The following SEMA5A variants were observed in gnomAD, a reference collection of about 807,000 sequenced individuals.
The protein encoded by SEMA5A is semaphorin-5A.
A neutral mutation model predicts 135.5 loss-of-function variants in SEMA5A; 55 were observed. The ratio of observed to expected loss-of-function variants is 0.41; its 90% CI spans 0.33 to 0.51. The LOEUF (loss-of-function observed/expected upper bound fraction) is 0.51, where lower values mean the gene tolerates loss of function less well. Ranked by LOEUF, SEMA5A falls within the 20% of genes least tolerant of loss-of-function variation. SEMA5A has a pLI of 0.37. For synonymous variants in SEMA5A, 580 were observed against 546.5 expected, an observed-to-expected ratio of 1.06 and a Z score of -0.85; for missense variants, 1,290 against 1,419.9, an observed-to-expected ratio of 0.91 and a Z score of 1.47.
intron 11 of SEMA5A, among the ~76,000 whole-genome samples, chr5:9,168,548 C>T (rs546519311): frequency 7.2e-5 from 11 of 152,300 alleles, no homozygotes; most frequent in South Asian, 2.1e-4. Flanking sequence ...GAGGATGCCA[C>T]GGCCAAGGGC....
intron 11 of SEMA5A, among the ~76,000 whole-genome samples, chr5:9,163,579 T>C (rs577280857): frequency 2.0e-5 from 3 of 152,328 alleles, no homozygotes; most frequent in South Asian, 2.1e-4. Context: ...ATATGCCTTA[T>C]ACTAAGATAG....
intron 1 of SEMA5A, among the ~76,000 whole-genome samples, chr5:9,537,354 A>C (rs3798085): frequency 0.042 from 6,430 of 152,300 alleles, 204 homozygotes; most frequent in East Asian, 0.17. Flanking sequence ...TGAATGGCTA[A>C]TTAGTTATCC....
chr5:9,474,136 C>G (rs997332037), intron 1 of SEMA5A, among the ~76,000 whole-genome samples: 1 of 152,074 alleles, frequency 6.6e-6, no homozygotes, highest in African/African-American at 2.4e-5. Flanking sequence ...AGGATGCTGA[C>G]AGAAAGAAGT....
chr5:9,458,153 C>A (rs169164), intron 1 of SEMA5A, among the ~76,000 whole-genome samples: 2 of 151,716 alleles, frequency 1.3e-5, no homozygotes, highest in South Asian at 4.2e-4. Context: ...GTGATCCGCC[C>A]GCCTCGGCCT....
At chr5:9,284,573 T>G (rs1750700168) in intron 5 of SEMA5A, among the ~76,000 whole-genome samples, 1 of 151,926 alleles carries the variant, frequency 6.6e-6, no homozygotes, top group Admixed American at 6.5e-5. Flanking sequence ...TCAACATATT[T>G]CATCAATTTT....
At chr5:9,237,975 C>A in intron 5 of SEMA5A, 85 bp from the exon 6 acceptor site, 3 of 1,247,190 alleles carry the variant, frequency 2.4e-6, no homozygotes, top group Non-Finnish European at 3.5e-6. Context: ...GCACTGGTAA[C>A]CAGATTAGGA....
intron 1 of SEMA5A, among the ~76,000 whole-genome samples, chr5:9,526,910 A>G (rs1737154055): frequency 6.6e-6 from 1 of 152,214 alleles, no homozygotes; most frequent in African/African-American, 2.4e-5. Flanking sequence ...TTAACTTCTC[A>G]AGCTGTTCCC....
intron 6 of SEMA5A, among the ~76,000 whole-genome samples, chr5:9,235,575 C>G (rs200951331): frequency 6.6e-6 from 1 of 151,922 alleles, no homozygotes; most frequent in Non-Finnish European, 1.5e-5. Context: ...TAAGATCGGA[C>G]GAGGAAATAG....
chr5:9,226,103 C>G (rs1184479023), intron 7 of SEMA5A, among the ~76,000 whole-genome samples: 1 of 152,126 alleles, frequency 6.6e-6, no homozygotes, highest in Admixed American at 6.5e-5. Context: ...AGTTTCACAC[C>G]CCTTATCATC....
At chr5:9,123,190 T>C (rs1450770449) in intron 13 of SEMA5A, among the ~76,000 whole-genome samples, 1 of 119,694 alleles carries the variant, frequency 8.4e-6, no homozygotes, top group Non-Finnish European at 1.6e-5. Flanking sequence ...ACCCGGGAGG[T>C]GGAGCTTGCA....
chr5:9,076,868 TTGTGTGTGTGTGTGTGTGTGTG>T (rs70943938), intron 16 of SEMA5A, among the ~76,000 whole-genome samples: 2 of 144,006 alleles, frequency 1.4e-5, no homozygotes, highest in African/African-American at 2.5e-5. Flanking sequence ...ATTACGATCT[TTGTGTGTGTGTGTGTGTGTGTG>T]TGTGTGTGTG....
At chr5:9,374,909 G>A (rs1010950682) in intron 3 of SEMA5A, among the ~76,000 whole-genome samples, 6 of 151,692 alleles carry the variant, frequency 4.0e-5, no homozygotes, top group Non-Finnish European at 7.4e-5. Flanking sequence ...GTTCCCAGTT[G>A]CTGTGCCCTC....
At chr5:9,392,004 T>C (rs1416452089) in intron 2 of SEMA5A, among the ~76,000 whole-genome samples, 1 of 152,138 alleles carries the variant, frequency 6.6e-6, no homozygotes, top group African/African-American at 2.4e-5. Context: ...CGCGTGTGCA[T>C]GGAACTGCTT....
At chr5:9,475,725 C>T (rs912378004) in intron 1 of SEMA5A, among the ~76,000 whole-genome samples, 1 of 152,092 alleles carries the variant, frequency 6.6e-6, no homozygotes, top group Non-Finnish European at 1.5e-5. Flanking sequence ...GGAAGCTACT[C>T]TATAGCAGGA....
intron 11 of SEMA5A, among the ~76,000 whole-genome samples, chr5:9,157,222 C>T (rs1400072203): frequency 6.6e-6 from 1 of 152,220 alleles, no homozygotes; most frequent in Non-Finnish European, 1.5e-5. Flanking sequence ...CCTGCCTGTG[C>T]CCTGCCCTTG....
intron 1 of SEMA5A, among the ~76,000 whole-genome samples, chr5:9,499,101 C>T (rs931265123): frequency 1.3e-5 from 2 of 152,156 alleles, no homozygotes. Context: ...GAGGCTTGTG[C>T]TTTTGTGGTG....
chr5:9,154,059 AAAAAT>A (rs1413656891), intron 12 of SEMA5A, among the ~76,000 whole-genome samples: 80 of 49,010 alleles, frequency 1.6e-3, no homozygotes, highest in African/African-American at 3.6e-3. Flanking sequence ...AAAAAAAAAA[AAAAAT>A]ATATATATAT....
intron 8 of SEMA5A, among the ~76,000 whole-genome samples, chr5:9,206,989 G>A (rs998763856): frequency 6.8e-6 from 1 of 146,970 alleles, no homozygotes; most frequent in Non-Finnish European, 1.5e-5. Context: ...GGCAAGTGTC[G>A]CACAAGGTGG....
intron 13 of SEMA5A, among the ~76,000 whole-genome samples, chr5:9,124,268 T>C (rs1740984696): frequency 6.6e-6 from 1 of 152,256 alleles, no homozygotes; most frequent in African/African-American, 2.4e-5. Flanking sequence ...GGCACCAGCA[T>C]GTACCTGGCT....
Sources: gnomAD v4.1 joint callset for allele counts (sites outside exome capture counted in the v4.1 genomes callset) on GRCh38, gnomAD v4.1.1 for gene constraint, MANE v1.5 for transcripts, NCBI Gene and HGNC (gene_info 2026-07-23, HGNC 2026-07-21) for gene names.